The following BMAL1 variants were observed in gnomAD, a reference collection of about 807,000 sequenced individuals.
BMAL1 encodes basic helix-loop-helix ARNT-like protein 1.
At chr11:13,326,305 AG>A in the BMAL1 span, 2 of 152,186 alleles carry the variant, frequency 1.3e-5, no homozygotes, top group Admixed American at 6.5e-5. Context: ...CAGTCTTTTA[AG>A]CCTGGTCCAG....
chr11:13,386,825 G>GAAGCTTACTGGAT, the BMAL1 span: 3 of 1,554,506 alleles, frequency 1.9e-6, no homozygotes, highest in Non-Finnish European at 2.6e-6. Flanking sequence ...TACAGTCTGT[G>GAAGCTTACTGGAT]AAGCTTACTG....
At chr11:13,332,559 A>G in the BMAL1 span, among the ~76,000 whole-genome samples, 1 of 152,228 alleles carries the variant, frequency 6.6e-6, no homozygotes, top group African/African-American at 2.4e-5. Context: ...TGTTGGTAAA[A>G]TAGTTTCTAG....
the BMAL1 span, among the ~76,000 whole-genome samples, chr11:13,355,842 G>A: frequency 1.3e-5 from 2 of 152,184 alleles, no homozygotes; most frequent in African/African-American, 4.8e-5. Context: ...ATATGATCCA[G>A]TGCTCCTAGA....
chr11:13,378,574 C>CT, the BMAL1 span: 2 of 1,265,784 alleles, frequency 1.6e-6, no homozygotes, highest in African/African-American at 1.5e-5. Context: ...GAGGTTGCTA[C>CT]TTAAACATCC....
chr11:13,376,622 T>C, the BMAL1 span: 3 of 1,613,188 alleles, frequency 1.9e-6, no homozygotes, highest in Admixed American at 5.0e-5. Flanking sequence ...CGTTTCCTTA[T>C]TGCTGGGATG....
At chr11:13,379,375 T>C in the BMAL1 span, 1 of 152,142 alleles carries the variant, frequency 6.6e-6, no homozygotes, top group Non-Finnish European at 1.5e-5. Context: ...GGCTGGCCTG[T>C]TTTCCAATTG....
chr11:13,360,141 T>A, the BMAL1 span, among the ~76,000 whole-genome samples: 2 of 152,212 alleles, frequency 1.3e-5, no homozygotes, highest in Non-Finnish European at 2.9e-5. Context: ...GGTAACAGTG[T>A]TCTCTCTTCC....
the BMAL1 span, among the ~76,000 whole-genome samples, chr11:13,386,279 AATAAG>A: frequency 4.9e-4 from 74 of 152,310 alleles, no homozygotes; most frequent in African/African-American, 1.7e-3. Flanking sequence ...AGATTATTAA[AATAAG>A]CTTGACTCAA....
At chr11:13,355,289 A>G in the BMAL1 span, 28 of 1,613,806 alleles carry the variant, frequency 1.7e-5, no homozygotes, top group South Asian at 2.9e-4. Context: ...AGATGCTATG[A>G]TTAATATGTA....
At chr11:13,375,404 C>T in the BMAL1 span, among the ~76,000 whole-genome samples, 2 of 152,158 alleles carry the variant, frequency 1.3e-5, no homozygotes, top group Admixed American at 6.5e-5. Flanking sequence ...TATGGAAAAT[C>T]ATGACAGCTT....
the BMAL1 span, among the ~76,000 whole-genome samples, chr11:13,335,704 C>T: frequency 1.1e-3 from 170 of 152,274 alleles, no homozygotes; most frequent in Admixed American, 3.1e-3. Context: ...GAATTTTCTG[C>T]GAACACAGCT....
chr11:13,385,721 C>G, the BMAL1 span: 1 of 1,613,602 alleles, frequency 6.2e-7, no homozygotes, highest in Non-Finnish European at 8.5e-7. Context: ...ACATTCCTTC[C>G]AGTGGCCTAC....
At chr11:13,281,579 A>G in the BMAL1 span, among the ~76,000 whole-genome samples, 877 of 152,064 alleles carry the variant, frequency 5.8e-3, 7 homozygotes, top group African/African-American at 0.02. Flanking sequence ...CAGTGGTGCA[A>G]TCGTGGCTCA....
At chr11:13,278,830 G>T in the BMAL1 span, among the ~76,000 whole-genome samples, 1 of 152,236 alleles carries the variant, frequency 6.6e-6, no homozygotes, top group African/African-American at 2.4e-5. Flanking sequence ...GTTCCCGCTC[G>T]GCTATTGCCG....
At chr11:13,351,721 A>AGACCACTGAAATGGAAGGAGTCCC in the BMAL1 span, among the ~76,000 whole-genome samples, 1 of 152,204 alleles carries the variant, frequency 6.6e-6, no homozygotes, top group Non-Finnish European at 1.5e-5. Flanking sequence ...GCCAAGAGAC[A>AGACCACTGAAATGGAAGGAGTCCC]GTGAGAAGGG....
chr11:13,372,512 G>GAAGA, the BMAL1 span: 2 of 1,520,108 alleles, frequency 1.3e-6, no homozygotes, highest in Non-Finnish European at 1.8e-6. Context: ...TTCTAAGAAT[G>GAAGA]AAGAAAGAAA....
chr11:13,334,017 G>C, the BMAL1 span, among the ~76,000 whole-genome samples: 2 of 152,186 alleles, frequency 1.3e-5, no homozygotes, highest in African/African-American at 4.8e-5. Context: ...TATCCAGAGA[G>C]TGCTTGCCAT....
At chr11:13,349,487 AG>A in the BMAL1 span, among the ~76,000 whole-genome samples, 4 of 152,218 alleles carry the variant, frequency 2.6e-5, no homozygotes, top group Admixed American at 2.0e-4. Context: ...CGGAGAACAC[AG>A]GAGTATCTCC....
At chr11:13,386,734 G>A in the BMAL1 span, 3 of 1,614,096 alleles carry the variant, frequency 1.9e-6, no homozygotes, top group Non-Finnish European at 1.7e-6. Context: ...GTTGACTTTA[G>A]TGACTTGCCA....
Sources: gnomAD v4.1 joint callset for allele counts (sites outside exome capture counted in the v4.1 genomes callset) on GRCh38, gnomAD v4.1.1 for gene constraint, MANE v1.5 for transcripts, NCBI Gene and HGNC (gene_info 2026-07-23, HGNC 2026-07-21) for gene names.